Variants in NFXL1 observed in about 807,000 individuals in gnomAD.
NFXL1 encodes NF-X1-type zinc finger protein NFXL1.
NFXL1 carries 66 observed loss-of-function variants against 123.3 expected under a neutral mutation model. The ratio of observed to expected loss-of-function variants is 0.54; its 90% CI spans 0.44 to 0.66. NFXL1 has a LOEUF of 0.66. NFXL1 is among the 30% of genes least tolerant of loss of function. The pLI is 0.00. For missense variants in NFXL1, 944 were observed against 1,125.6 expected, an observed-to-expected ratio of 0.84 and a Z score of 2.31; for synonymous variants, 346 against 360.8, an observed-to-expected ratio of 0.96 and a Z score of 0.46.
chr4:47,865,053 G>C (rs1734970200), intron 18 of NFXL1, among the ~76,000 whole-genome samples: 1 of 152,166 alleles, frequency 6.6e-6, no homozygotes, highest in South Asian at 2.1e-4. Flanking sequence ...TCTCAGAAAT[G>C]AATTAGAGGA....
At chr4:47,888,650 G>A (rs1042183211) in intron 12 of NFXL1, among the ~76,000 whole-genome samples, 1 of 152,110 alleles carries the variant, frequency 6.6e-6, no homozygotes, top group African/African-American at 2.4e-5. Context: ...ATAGAGGACA[G>A]AGGAACATGT....
intron 22 of NFXL1, 26 bp downstream of exon 22, chr4:47,851,069 T>A (rs1734091326): frequency 6.4e-7 from 1 of 1,570,414 alleles, no homozygotes; most frequent in Admixed American, 1.7e-5. Context: ...CTAAGAGACA[T>A]AAATCTGGGT....
intron 9 of NFXL1, 52 bp downstream of exon 9, chr4:47,897,915 C>T (rs1447856220): frequency 8.6e-7 from 1 of 1,157,654 alleles, no homozygotes; most frequent in Non-Finnish European, 1.2e-6. Context: ...AATGTCTTTT[C>T]ATGGCTTGAC....
chr4:47,888,486 C>A (rs950546518), intron 12 of NFXL1, among the ~76,000 whole-genome samples: 1 of 151,792 alleles, frequency 6.6e-6, no homozygotes, highest in South Asian at 2.1e-4. Flanking sequence ...ACATACTTTA[C>A]ATCAAGGAAA....
intron 19 of NFXL1, among the ~76,000 whole-genome samples, chr4:47,857,728 A>G (rs1299747997): frequency 6.6e-6 from 1 of 152,148 alleles, no homozygotes; most frequent in Non-Finnish European, 1.5e-5. Context: ...AGCCATGGCT[A>G]TGCTACCTGT....
intron 19 of NFXL1, among the ~76,000 whole-genome samples, chr4:47,859,727 A>G (rs376594219): frequency 6.6e-6 from 1 of 151,228 alleles, no homozygotes; most frequent in African/African-American, 2.4e-5. Flanking sequence ...CTGTAATCTC[A>G]GCTACTCAGG....
chr4:47,895,352 A>C (rs1737023842), intron 10 of NFXL1, among the ~76,000 whole-genome samples: 1 of 152,242 alleles, frequency 6.6e-6, no homozygotes, highest in Non-Finnish European at 1.5e-5. Context: ...TTGAAGCTTT[A>C]ACTGTGAAAG....
At chr4:47,905,802 T>TA (rs1737544378) in intron 3 of NFXL1, among the ~76,000 whole-genome samples, 1 of 152,078 alleles carries the variant, frequency 6.6e-6, no homozygotes, top group Non-Finnish European at 1.5e-5. Context: ...GTATTCTTAA[T>TA]AAAAAGTTGT....
intron 19 of NFXL1, among the ~76,000 whole-genome samples, chr4:47,860,680 C>A (rs1734714700): frequency 6.6e-6 from 1 of 152,172 alleles, no homozygotes; most frequent in Non-Finnish European, 1.5e-5. Context: ...GAATCCCATA[C>A]CTTAACTTTG....
intron 18 of NFXL1, among the ~76,000 whole-genome samples, chr4:47,868,549 G>T (rs1282205403): frequency 1.3e-5 from 2 of 150,510 alleles, no homozygotes; most frequent in African/African-American, 2.4e-5. Flanking sequence ...AGAAACAAGG[G>T]TCTAAAGACA....
intron 18 of NFXL1, among the ~76,000 whole-genome samples, chr4:47,863,929 T>G (rs950680602): frequency 6.6e-6 from 1 of 152,224 alleles, no homozygotes; most frequent in African/African-American, 2.4e-5. Context: ...TGTATTTTCT[T>G]ACTTTTCCTA....
chr4:47,884,224 T>G lies in NFXL1; in HGVS notation c.1916+122A>C, dbSNP rs1446573808. ...AGGTTAAGACAGACACACTAGTTGA[T>G]AGGCTAGGCCTGAAATAATAATGAA... On this transcript the variant is annotated intron_variant, in intron 15 of 22. Transcript: ENST00000507489. 7.1e-6 allele frequency: 4 copies of G among 562,330 alleles called. No homozygotes were observed. In the East Asian group the frequency reaches 1.2e-4, roughly 16 times the overall value. 34.8% of individuals were successfully genotyped at this position (562,330 alleles called of 1,614,324 possible).
chr4:47,903,916 A>G (rs1393253477), intron 4 of NFXL1, among the ~76,000 whole-genome samples: 2 of 152,202 alleles, frequency 1.3e-5, no homozygotes, highest in Non-Finnish European at 2.9e-5. Context: ...AAATAATACT[A>G]AATTAATTTT....
At chr4:47,910,795 T>C in intron 3 of NFXL1, 29 bp downstream of exon 3, 1 of 1,444,128 alleles carries the variant, frequency 6.9e-7, no homozygotes, top group Non-Finnish European at 9.3e-7. Context: ...TTCATTGACG[T>C]CAAAAGTCAA....
intron 22 of NFXL1, among the ~76,000 whole-genome samples, chr4:47,848,659 G>A (rs1003102913): frequency 3.3e-5 from 5 of 152,166 alleles, no homozygotes; most frequent in Non-Finnish European, 4.4e-5. Context: ...GGAGGCTGAG[G>A]CAGGCGGGTC....
intron 4 of NFXL1, among the ~76,000 whole-genome samples, chr4:47,904,971 CT>C: frequency 6.6e-6 from 1 of 152,088 alleles, no homozygotes; most frequent in Non-Finnish European, 1.5e-5. Context: ...AGTACAGATG[CT>C]AAAAATGTTC....
At chr4:47,867,547 TTA>T (rs1201363045) in intron 18 of NFXL1, among the ~76,000 whole-genome samples, 1 of 152,042 alleles carries the variant, frequency 6.6e-6, no homozygotes, top group Non-Finnish European at 1.5e-5. Flanking sequence ...AATATTGAAC[TTA>T]TATGTTGAAA....
At chr4:47,901,963 C>G (rs1430696715) in intron 5 of NFXL1, among the ~76,000 whole-genome samples, 1 of 152,210 alleles carries the variant, frequency 6.6e-6, no homozygotes, top group African/African-American at 2.4e-5. Context: ...GGGTGGATCA[C>G]TTGAGGCCAG....
intron 11 of NFXL1, 96 bp from the exon 12 acceptor site, chr4:47,890,799 A>T: frequency 1.5e-6 from 1 of 655,848 alleles, no homozygotes; most frequent in Non-Finnish European, 2.7e-6. Context: ...AAAGCAAAAG[A>T]TACACTTTTC....
Sources: allele counts gnomAD v4.1 joint callset (sites outside exome capture counted in the v4.1 genomes callset), GRCh38; gene constraint gnomAD v4.1.1; transcripts MANE v1.5; gene names NCBI Gene and HGNC (gene_info 2026-07-23, HGNC 2026-07-21).